PIK3R1: variants seen among roughly 807,000 people sequenced by gnomAD.
PIK3R1 encodes the protein phosphoinositide-3-kinase regulatory subunit 1, also known as phosphatidylinositol 3-kinase regulatory subunit alpha.
A neutral mutation model predicts 98.0 loss-of-function variants in PIK3R1; 29 were observed. That is an observed-to-expected ratio of 0.30 (90% CI 0.22 to 0.40). PIK3R1 has a LOEUF of 0.40. PIK3R1 is among the 10% of genes least tolerant of loss of function. The pLI, the probability that PIK3R1 is intolerant of heterozygous loss-of-function variation, is 1.00. For missense variants in PIK3R1, 596 were observed against 872.7 expected, an observed-to-expected ratio of 0.68 and a Z score of 3.99; for synonymous variants, 282 against 311.8, an observed-to-expected ratio of 0.90 and a Z score of 1.01.
Position 68,297,515 on chromosome 5 carries a change from C to T in PIK3R1, c.2089C>T (p.His697Tyr), listed in dbSNP as rs2112292305. ...LYSSLKELVL[H>Y]YQHTSLVQHN... ...CAGCTCTCTGAAAGAACTGGTGCTA[C>T]ATTACCAACACACCTCCCTTGTGCA... is the stretch of plus-strand genomic sequence containing the variant. The change falls in exon 16 of 16, where the codon CAT becomes TAT. Residue 697 changes from histidine (H) to tyrosine (Y), a missense_variant. Transcript: ENST00000521381. 1 of 1,614,202 alleles carries T rather than the reference C, an allele frequency of 6.2e-7. No individual in the cohort carries two copies.
chr5:68,262,386 T>TATATATATATATATATATA (rs576101819), intron 2 of PIK3R1, among the ~76,000 whole-genome samples: 54 of 138,524 alleles, frequency 3.9e-4, no homozygotes, highest in African/African-American at 1.3e-3. Flanking sequence ...TCTATAATTT[T>TATATATATATATATATATA]TATATATATA....
chr5:68,221,926 T>C (rs1350239773), intron 1 of PIK3R1, among the ~76,000 whole-genome samples: 2 of 152,250 alleles, frequency 1.3e-5, no homozygotes, highest in Non-Finnish European at 2.9e-5. Flanking sequence ...TTTTGAACTG[T>C]TGCATATGAT....
chr5:68,220,068 T>G (rs1744039858), intron 1 of PIK3R1, among the ~76,000 whole-genome samples: 1 of 152,196 alleles, frequency 6.6e-6, no homozygotes, highest in South Asian at 2.1e-4. Context: ...TTATCAAGTA[T>G]GGAGCGAAGT....
intron 2 of PIK3R1, among the ~76,000 whole-genome samples, chr5:68,227,534 T>G (rs994268563): frequency 6.6e-6 from 1 of 152,210 alleles, no homozygotes; most frequent in African/African-American, 2.4e-5. Flanking sequence ...TCAACCTGTG[T>G]ATATCTAATA....
At chr5:68,246,821 C>T (rs2112048969) in intron 2 of PIK3R1, among the ~76,000 whole-genome samples, 1 of 152,170 alleles carries the variant, frequency 6.6e-6, no homozygotes, top group East Asian at 1.9e-4. Context: ...CTTCTTTTTC[C>T]TTTACAAATC....
intron 8 of PIK3R1, 146 bp from the exon 9 acceptor site, chr5:68,292,955 G>A (rs1747473330): frequency 4.3e-6 from 3 of 693,462 alleles, no homozygotes; most frequent in Non-Finnish European, 7.1e-6. Context: ...AATCTATGTG[G>A]GCAGGAGGAA....
chr5:68,281,195 T>G (rs1746820082), intron 7 of PIK3R1, among the ~76,000 whole-genome samples, 189 bp downstream of exon 7: 1 of 152,212 alleles, frequency 6.6e-6, no homozygotes, highest in African/African-American at 2.4e-5. Context: ...TATCCGAGTT[T>G]CAACATTTGT....
chr5:68,232,426 C>T (rs1228171826), intron 2 of PIK3R1, among the ~76,000 whole-genome samples: 1 of 152,154 alleles, frequency 6.6e-6, no homozygotes, highest in Admixed American at 6.5e-5. Flanking sequence ...TTACCCTGAG[C>T]TGGCCTGGCC....
intron 2 of PIK3R1, among the ~76,000 whole-genome samples, chr5:68,255,097 C>G (rs988443977): frequency 1.3e-5 from 2 of 152,136 alleles, no homozygotes; most frequent in Admixed American, 6.5e-5. Flanking sequence ...TTGGGTTGCT[C>G]CAGGGCTTTA....
Position 68,280,953 on chromosome 5 carries a change from A to G in PIK3R1, c.863A>G (p.Lys288Arg), listed in dbSNP as rs1316121678. The G allele has an allele frequency of 6.2e-7, 1 of 1,603,692 alleles. No individual in the cohort carries two copies. Residue 288 changes from lysine (K) to arginine (R), a missense_variant, in exon 7 of 16, where the codon AAA becomes AGA. Around this residue, in one of 3 missense-constraint regions of PIK3R1, gnomAD observed 352 missense variants for 393.3 expected, o/e 0.90. Transcript: ENST00000521381. Reference protein sequence around the residue: ...ASSDNTENLIKVIEILISTEW... With the variant: ...ASSDNTENLIRVIEILISTEW... ...TCTGATAATACTGAAAACCTCATAA[A>G]AGTTATAGAAATTTTAATCTCAACT... is the stretch of plus-strand genomic sequence containing the variant.
rs767470196 is a variant in PIK3R1, at chr5:68,293,691, T to G, written c.1300-18T>G. On this transcript the variant is annotated intron_variant, in intron 10 of 15. Transcript: ENST00000521381. ...TGATTAAATACCTTATCCATTGAATTTATTTTAATCTTTCTAGGATCAAGT... is the reference window on the plus strand; with the variant it reads ...TGATTAAATACCTTATCCATTGAATGTATTTTAATCTTTCTAGGATCAAGT... 1 of 1,396,438 alleles carries G rather than the reference T, an allele frequency of 7.2e-7. No individual in the cohort carries two copies. The highest frequency in any genetic ancestry group is 1.3e-5 in the South Asian group (1 of 79,608). 86.5% of individuals were successfully genotyped at this position (1,396,438 alleles called of 1,614,324 possible).
chr5:68,290,665 C>A (rs1747336126), intron 7 of PIK3R1: 2 of 1,558,166 alleles, frequency 1.3e-6, no homozygotes, highest in South Asian at 1.3e-5. Context: ...TTCCAAGACA[C>A]CATTACAAAG....
At chr5:68,225,460 T>C (rs2111958249) in intron 1 of PIK3R1, among the ~76,000 whole-genome samples, 1 of 152,274 alleles carries the variant, frequency 6.6e-6, no homozygotes, top group Admixed American at 6.5e-5. Flanking sequence ...CTCCAAACTC[T>C]CATTAATGCA....
intron 8 of PIK3R1, chr5:68,292,598 G>T (rs574191479): frequency 8.9e-6 from 13 of 1,465,058 alleles, no homozygotes; most frequent in Non-Finnish European, 1.2e-5. Context: ...TGAAGTGCCA[G>T]AGTGAAGTGG....
intron 2 of PIK3R1, among the ~76,000 whole-genome samples, chr5:68,260,771 C>T (rs920811952): frequency 5.9e-5 from 9 of 152,128 alleles, no homozygotes; most frequent in African/African-American, 1.4e-4. Flanking sequence ...TTCTTCTCCC[C>T]GCAACCCCAT....
At chr5:68,268,118 A>C (rs544686882) in intron 2 of PIK3R1, among the ~76,000 whole-genome samples, 1 of 152,262 alleles carries the variant, frequency 6.6e-6, no homozygotes, top group East Asian at 1.9e-4. Context: ...TTATTACTGC[A>C]CATAATTACT....
intron 4 of PIK3R1, among the ~76,000 whole-genome samples, chr5:68,274,985 G>A (rs899311151): frequency 6.6e-6 from 1 of 152,204 alleles, no homozygotes; most frequent in Admixed American, 6.5e-5. Flanking sequence ...CCACATGACA[G>A]TAAATGAGAA....
intron 1 of PIK3R1, among the ~76,000 whole-genome samples, chr5:68,222,045 G>A (rs1229542896): frequency 6.6e-6 from 1 of 152,152 alleles, no homozygotes; most frequent in Non-Finnish European, 1.5e-5. Flanking sequence ...AACTGCCTTG[G>A]TTATTTGAAA....
In PIK3R1 at chr5:68,262,412, G is replaced by GCACACA. The variant is rs558738731; in HGVS notation, c.335-10971_335-10966dup. On this transcript the variant is annotated intron_variant, in intron 2 of 15. Transcript: ENST00000521381. ...TATATATATATATATATACACACAC[G>GCACACA]CACACACACACATACACTACATATA... 7.3e-5 allele frequency among the ~76,000 whole-genome samples: 8 copies of GCACACA among 109,910 alleles called. 1 individual carries two copies. In the East Asian group the frequency reaches 1.8e-3, roughly 24 times the overall value. 72.1% of individuals were successfully genotyped at this position (109,910 alleles called of 152,430 possible). A position where few individuals can be genotyped will look rare whatever the true frequency, so the allele number is the denominator to read the frequency against.
Sources: allele counts gnomAD v4.1 joint callset (sites outside exome capture counted in the v4.1 genomes callset), GRCh38; gene constraint gnomAD v4.1.1; regional missense constraint gnomAD v4.1.1; transcripts MANE v1.5; gene names NCBI Gene and HGNC (gene_info 2026-07-23, HGNC 2026-07-21).